Variants in GALNT9 observed in about 807,000 individuals in gnomAD.
GALNT9 encodes polypeptide N-acetylgalactosaminyltransferase 9, also known as GalNAc transferase 9.
A neutral mutation model predicts 63.1 loss-of-function variants in GALNT9; 47 were observed. The observed-to-expected ratio is 0.75, with a 90% CI of 0.59 to 0.95. The LOEUF (loss-of-function observed/expected upper bound fraction) is 0.95. GALNT9 is among the 40% of genes least tolerant of loss of function. The probability of loss-of-function intolerance (pLI) is 0.00; values close to 1 mark genes in which losing one functional copy is unlikely to be tolerated. For synonymous variants in GALNT9, 396 were observed against 365.7 expected, an observed-to-expected ratio of 1.08 and a Z score of -0.94; for missense variants, 829 against 874.8, an observed-to-expected ratio of 0.95 and a Z score of 0.66.
At chr12:132,204,326 C>T (rs1306025128) in intron 6 of GALNT9, among the ~76,000 whole-genome samples, 1 of 152,206 alleles carries the variant, frequency 6.6e-6, no homozygotes, top group Non-Finnish European at 1.5e-5. Context: ...GTTTGTCCCC[C>T]CGCGCTGTCC....
Position 132,306,128 on chromosome 12 carries a change from G to A in GALNT9, c.239-19698C>T, listed in dbSNP as rs187831830. Among the ~76,000 whole-genome samples, 1,055 of 152,324 alleles carry A rather than the reference G, an allele frequency of 6.9e-3. 6 individuals carry two copies. The highest frequency in any genetic ancestry group is 0.024 in the African/African-American group (1,003 of 41,576). ...TCTTGAGACCCTCCCCAAACCTGCC[G>A]GGTCAGAGCCCCCGTGGGGGGCCTG... On this transcript the variant is annotated intron_variant, in intron 1 of 10. Transcript: ENST00000328957.
At chr12:132,199,087 A>C (rs4074045) in intron 9 of GALNT9, 87 bp downstream of exon 9, 633,102 of 840,766 alleles carry the variant, frequency 0.75, 239,233 homozygotes, top group African/African-American at 0.82. Context: ...AGCAGGCTGG[A>C]CCCGTGCCTC....
intron 1 of GALNT9, among the ~76,000 whole-genome samples, chr12:132,289,092 TCA>T (rs1357112087): frequency 4.0e-4 from 61 of 152,220 alleles, no homozygotes; most frequent in African/African-American, 1.4e-3. Context: ...TTGCCGTGAA[TCA>T]CAGTCATGCG....
intron 2 of GALNT9, among the ~76,000 whole-genome samples, chr12:132,285,322 C>T (rs1228731088): frequency 6.6e-6 from 1 of 152,290 alleles, no homozygotes; most frequent in Non-Finnish European, 1.5e-5. Flanking sequence ...GGGCTGGGCT[C>T]TGCGGACAGA....
At chr12:132,229,887 G>A (rs949068058) in intron 6 of GALNT9, among the ~76,000 whole-genome samples, 8 of 152,344 alleles carry the variant, frequency 5.3e-5, no homozygotes, top group Middle Eastern at 6.8e-3. Flanking sequence ...GTCACCGTCC[G>A]TCGGTGGTGG....
chr12:132,240,750 A>C (rs1400085099), intron 6 of GALNT9: 9 of 455,534 alleles, frequency 2.0e-5, no homozygotes, highest in Non-Finnish European at 4.0e-5. Context: ...CCAGAACCTG[A>C]TCACCAGCAG....
intron 6 of GALNT9, among the ~76,000 whole-genome samples, chr12:132,219,668 A>G (rs1262153852): frequency 1.3e-5 from 2 of 152,084 alleles, no homozygotes; most frequent in Non-Finnish European, 2.9e-5. Context: ...GGTAAGGGGA[A>G]GGGGCACCTC....
rs1555241719 is a variant in GALNT9 at position 132,282,071 on chromosome 12, T to TG, written c.419+4178dup. On this transcript the variant is annotated intron_variant, in intron 2 of 10. Transcript: ENST00000328957. The surrounding 1 kb of genome is among the most constrained non-coding windows in gnomAD (Gnocchi z 4.5). The stretch of plus-strand genomic sequence containing the variant: ...AGCTCCACTGCAGCAAGCCCAGGCC[T>TG]GGGGGTCCCTGATCCCACAGAGGAG... 2.8e-5 allele frequency among the ~76,000 whole-genome samples: 4 copies of TG among 141,122 alleles called. No individual in the cohort carries two copies. The highest frequency in any genetic ancestry group is 1.1e-4 in the African/African-American group (4 of 35,832). 92.6% of individuals were successfully genotyped at this position (141,122 alleles called of 152,430 possible).
intron 1 of GALNT9, among the ~76,000 whole-genome samples, chr12:132,313,896 A>G (rs1593122106): frequency 7.8e-6 from 1 of 128,810 alleles, no homozygotes; most frequent in African/African-American, 3.0e-5. Context: ...ACATACATAC[A>G]TACGTACATA....
intron 6 of GALNT9, among the ~76,000 whole-genome samples, chr12:132,222,644 G>A (rs1000932003): frequency 6.6e-6 from 1 of 151,890 alleles, no homozygotes; most frequent in Non-Finnish European, 1.5e-5. Context: ...NGTTAGCCAC[G>A]GAGGAAACAC....
At chr12:132,270,935 G>C (rs1198680221) in intron 2 of GALNT9, among the ~76,000 whole-genome samples, 3 of 151,898 alleles carry the variant, frequency 2.0e-5, no homozygotes, top group Non-Finnish European at 4.4e-5. Flanking sequence ...GGAGGAGATG[G>C]AGCAGAGAGA....
chr12:132,216,424 C>G (rs1286848326), intron 6 of GALNT9, among the ~76,000 whole-genome samples: 2 of 152,224 alleles, frequency 1.3e-5, no homozygotes, highest in African/African-American at 4.8e-5. Context: ...ACCAAGCACT[C>G]TCATCTGCAG....
At chr12:132,278,039 A>G (rs1880177280) in intron 2 of GALNT9, 1 of 110,074 alleles carries the variant, frequency 9.1e-6, no homozygotes, top group Admixed American at 1.3e-4. Context: ...TGGTTTTTCT[A>G]AACTCCTCCT....
At chr12:132,219,633 C>A (rs982509415) in intron 6 of GALNT9, among the ~76,000 whole-genome samples, 2 of 152,036 alleles carry the variant, frequency 1.3e-5, no homozygotes, top group Admixed American at 1.3e-4. Context: ...TGTCCCATGG[C>A]GAGAGGCAGC....
At position 132,279,721 on chromosome 12, in the gene GALNT9, T is replaced by G. The variant is rs782451427; in HGVS notation, c.419+6529A>C. On this transcript the variant is annotated intron_variant, in intron 2 of 10. Transcript: ENST00000328957. This position sits in a 1 kb window ranked among gnomAD's most constrained non-coding sequence, Gnocchi z 4.1. ...TTCTCACCCCTGTCCCTTCAGGCCGTGGGGAGAAGAACATCCCAGTGCGGT... is the reference window on the plus strand; with the variant it reads ...TTCTCACCCCTGTCCCTTCAGGCCGGGGGGAGAAGAACATCCCAGTGCGGT... 6.6e-6 allele frequency: 1 copy of G among 152,352 alleles called. No homozygotes were observed. The highest frequency in any genetic ancestry group is 1.5e-5 in the Non-Finnish European group (1 of 68,128). 9.4% of individuals were successfully genotyped at this position (152,352 alleles called of 1,614,324 possible). A position where few individuals can be genotyped will look rare whatever the true frequency, so the allele number is the denominator to read the frequency against.
In GALNT9 at chr12:132,328,883, G is replaced by A. The variant is rs903919929; in HGVS notation, c.238+83C>T. On this transcript the variant is annotated intron_variant, in intron 1 of 10. Transcript: ENST00000328957. ...CAGGGGCGCAGAGGGGCGCGCACCCGAGGCCGGCCTGACCCATCGCGCCCG... is the reference window on the plus strand; with the variant it reads ...CAGGGGCGCAGAGGGGCGCGCACCCAAGGCCGGCCTGACCCATCGCGCCCG... 2.4e-5 allele frequency: 34 copies of A among 1,388,130 alleles called. No homozygotes were observed. The African/African-American group carries it at 2.6e-4, about 11-fold the overall frequency. The allele number at this position is 1,388,130 out of a possible 1,614,324, so 86.0% of individuals were successfully genotyped here.
chr12:132,323,042 C>T (rs1868876482), intron 1 of GALNT9, among the ~76,000 whole-genome samples: 1 of 152,264 alleles, frequency 6.6e-6, no homozygotes, highest in South Asian at 2.1e-4. Context: ...CTTGTCCCTT[C>T]ACAGGCATCT....
intron 4 of GALNT9, among the ~76,000 whole-genome samples, chr12:132,258,644 G>A (rs1555239396): frequency 1.3e-5 from 2 of 152,254 alleles, no homozygotes; most frequent in East Asian, 3.8e-4. Context: ...TGGGCCTGCA[G>A]GGCTGGCCAG....
chr12:132,303,958 T>C (rs186191524), intron 1 of GALNT9, among the ~76,000 whole-genome samples: 246 of 6,164 alleles, frequency 0.04, 12 homozygotes, highest in Middle Eastern at 0.17. Flanking sequence ...CACCCTCACC[T>C]GGGCACAGCC....
Sources: gnomAD v4.1 joint callset for allele counts (sites outside exome capture counted in the v4.1 genomes callset) on GRCh38, gnomAD v4.1.1 for gene constraint, Gnocchi (gnomAD v3.1) non-coding constraint, MANE v1.5 for transcripts, NCBI Gene and HGNC (gene_info 2026-07-23, HGNC 2026-07-21) for gene names.